The following CCDC30 variants were observed in gnomAD, a reference collection of about 807,000 sequenced individuals.
The protein encoded by CCDC30 is coiled-coil domain containing 30.
A neutral mutation model predicts 100.2 loss-of-function variants in CCDC30; 70 were observed. The observed-to-expected ratio is 0.70, with a 90% confidence interval of 0.58 to 0.85. The LOEUF (loss-of-function observed/expected upper bound fraction) is 0.85. CCDC30 is among the 40% of genes least tolerant of loss of function. CCDC30 has a pLI of 0.00. For missense variants in CCDC30, 652 were observed against 771.2 expected (o/e 0.85, Z 1.83); for synonymous variants, 233 against 269.5 (o/e 0.86, Z 1.33).
At chr1:42,623,049 C>A (rs1267310441) in intron 11 of CCDC30, among the ~76,000 whole-genome samples, 2 of 152,162 alleles carry the variant, frequency 1.3e-5, no homozygotes, top group African/African-American at 2.4e-5. Flanking sequence ...AATGTCTATT[C>A]AAATATTTTG....
At chr1:42,544,164 A>G (rs900197557) in intron 6 of CCDC30, among the ~76,000 whole-genome samples, 9 of 152,198 alleles carry the variant, frequency 5.9e-5, no homozygotes, top group African/African-American at 2.2e-4. Context: ...AAGTGCTAGG[A>G]TTACAGGCAT....
chr1:42,567,176 A>G (rs1435616322), intron 7 of CCDC30, among the ~76,000 whole-genome samples: 1 of 141,016 alleles, frequency 7.1e-6, no homozygotes, highest in Non-Finnish European at 1.5e-5. Flanking sequence ...CCTTATCCCC[A>G]TGGTGCAGGG....
At chr1:42,587,281 G>A (rs1465788457) in intron 9 of CCDC30, among the ~76,000 whole-genome samples, 1 of 152,220 alleles carries the variant, frequency 6.6e-6, no homozygotes, top group Non-Finnish European at 1.5e-5. Context: ...ATAGGTGTGA[G>A]CCACCATGTC....
intron 6 of CCDC30, among the ~76,000 whole-genome samples, chr1:42,543,826 CT>C (rs1167239361): frequency 6.6e-6 from 1 of 152,200 alleles, no homozygotes. Context: ...ATTTTACACA[CT>C]GTAGTTTCTC....
intron 3 of CCDC30, among the ~76,000 whole-genome samples, chr1:42,483,945 C>A (rs548814633): frequency 3.3e-5 from 5 of 152,054 alleles, no homozygotes; most frequent in Admixed American, 3.3e-4. Context: ...TTTATATTTA[C>A]ATCTTTGCTT....
chr1:42,577,252 A>G, intron 8 of CCDC30, 23 bp downstream of exon 12: 1 of 1,456,792 alleles, frequency 6.9e-7, no homozygotes, highest in East Asian at 2.3e-5. Context: ...ATGCTTAATA[A>G]ACAGCATACA....
intron 6 of CCDC30, among the ~76,000 whole-genome samples, chr1:42,519,621 GGCTCACT>G (rs1644605433): frequency 6.6e-6 from 1 of 152,024 alleles, no homozygotes; most frequent in African/African-American, 2.4e-5. Flanking sequence ...ATGCCGTCTC[GGCTCACT>G]GCATCCTCCA....
intron 6 of CCDC30, among the ~76,000 whole-genome samples, chr1:42,517,775 G>T (rs992384324): frequency 3.5e-4 from 53 of 152,158 alleles, no homozygotes; most frequent in Admixed American, 1.1e-3. Flanking sequence ...AAATATGCAA[G>T]ATCAAATATG....
At chr1:42,628,868 G>A (rs1484931119) in intron 11 of CCDC30, among the ~76,000 whole-genome samples, 1 of 152,112 alleles carries the variant, frequency 6.6e-6, no homozygotes, top group African/African-American at 2.4e-5. Context: ...ATTTTAACGT[G>A]ATTACAACTT....
At chr1:42,595,492 A>C (rs1169722698) in intron 10 of CCDC30, 2 of 152,284 alleles carry the variant, frequency 1.3e-5, no homozygotes, top group African/African-American at 2.4e-5. Flanking sequence ...GGTTGCAGTG[A>C]GCTGAGATTG....
At chr1:42,482,373 C>T (rs1480214636) in intron 2 of CCDC30, among the ~76,000 whole-genome samples, 1 of 151,932 alleles carries the variant, frequency 6.6e-6, no homozygotes, top group Non-Finnish European at 1.5e-5. Flanking sequence ...ATAAAAAATA[C>T]TGCAAAGAAA....
chr1:42,527,372 C>T (rs1215957872), intron 6 of CCDC30, among the ~76,000 whole-genome samples: 1 of 152,200 alleles, frequency 6.6e-6, no homozygotes, highest in Non-Finnish European at 1.5e-5. Context: ...TGCCTGGGTT[C>T]ACATCCTAGC....
At chr1:42,545,161 TTAAAAAAAAAAAAAAAA>T (rs1557841295) in intron 6 of CCDC30, among the ~76,000 whole-genome samples, 1 of 64,934 alleles carries the variant, frequency 1.5e-5, no homozygotes, top group African/African-American at 6.0e-5. Flanking sequence ...AAAAATACCT[TTAAAAAAAAAAAAAAAA>T]AAAAAAAAAA....
chr1:42,500,883 C>A (rs771618323), intron 6 of CCDC30, among the ~76,000 whole-genome samples: 2 of 152,200 alleles, frequency 1.3e-5, no homozygotes, highest in Non-Finnish European at 2.9e-5. Context: ...TAAGCCGCTA[C>A]ACCTGGCCAA....
At chr1:42,516,152 A>G (rs1444257628) in intron 6 of CCDC30, among the ~76,000 whole-genome samples, 1 of 152,186 alleles carries the variant, frequency 6.6e-6, no homozygotes, top group Non-Finnish European at 1.5e-5. Context: ...ATCACTTTAC[A>G]TTTCCACCAA....
intron 1 of CCDC30, among the ~76,000 whole-genome samples, chr1:42,474,432 T>C (rs1053598819): frequency 2.6e-5 from 4 of 152,214 alleles, no homozygotes. Flanking sequence ...TGATAGCTAT[T>C]ATCATTAGAA....
intron 14 of CCDC30, 134 bp from the exon 19 acceptor site, chr1:42,646,001 T>C: frequency 8.2e-7 from 1 of 1,213,920 alleles, no homozygotes; most frequent in East Asian, 2.7e-5. Context: ...TAACCTTGAA[T>C]GAAGATAAGA....
At chr1:42,459,792 T>C, upstream of CCDC30, 1 of 1,614,192 alleles carries the variant, frequency 6.2e-7, no homozygotes, top group Non-Finnish European at 8.5e-7. Flanking sequence ...GTCCTTTGTG[T>C]TTATTGTAAC....
chr1:42,653,161 C>T (rs551164533), intron 15 of CCDC30, among the ~76,000 whole-genome samples: 21 of 150,212 alleles, frequency 1.4e-4, no homozygotes, highest in African/African-American at 5.3e-4. Flanking sequence ...ACTAGATAGA[C>T]AGATATAGAT....
Sources: gnomAD v4.1 joint callset for allele counts (sites outside exome capture counted in the v4.1 genomes callset) on GRCh38, gnomAD v4.1.1 for gene constraint, MANE v1.5 for transcripts, NCBI Gene and HGNC (gene_info 2026-07-23, HGNC 2026-07-21) for gene names.